The following KHDRBS2 variants were observed in gnomAD, a reference collection of about 807,000 sequenced individuals.
KHDRBS2 encodes the protein KH domain-containing, RNA-binding, signal transduction-associated protein 2.
In KHDRBS2, 26 loss-of-function variants were observed where a neutral mutation model predicts 44.3. The observed-to-expected ratio is 0.59, with a 90% CI of 0.43 to 0.81. KHDRBS2 has a LOEUF of 0.81. Ranked by LOEUF, KHDRBS2 falls within the 40% of genes least tolerant of loss-of-function variation. The pLI is 0.00. For synonymous variants in KHDRBS2, 194 were observed against 151.1 expected, an observed-to-expected ratio of 1.28 and a Z score of -2.08; for missense variants, 476 against 433.1, an observed-to-expected ratio of 1.10 and a Z score of -0.88.
chr6:61,598,011 T>C, the KHDRBS2 span, among the ~76,000 whole-genome samples: 1 of 150,206 alleles, frequency 6.7e-6, no homozygotes, highest in Non-Finnish European at 1.5e-5. Flanking sequence ...TATTTTGTAC[T>C]CTGAGCAGCC....
intron 6 of KHDRBS2, among the ~76,000 whole-genome samples, chr6:61,748,350 C>T (rs1170023654): frequency 6.6e-6 from 1 of 152,072 alleles, no homozygotes; most frequent in African/African-American, 2.4e-5. Context: ...TTTACTTATT[C>T]ATGTATTTAT....
At chr6:62,231,497 G>A (rs1193215999) in intron 1 of KHDRBS2, among the ~76,000 whole-genome samples, 1 of 152,110 alleles carries the variant, frequency 6.6e-6, no homozygotes, top group African/African-American at 2.4e-5. Flanking sequence ...GGGGATTAGA[G>A]GTCCTTTCCT....
At chr6:61,864,701 C>A (rs932543711) in intron 6 of KHDRBS2, among the ~76,000 whole-genome samples, 2 of 152,120 alleles carry the variant, frequency 1.3e-5, no homozygotes, top group Non-Finnish European at 2.9e-5. Context: ...AACATTTTTT[C>A]TGTCATTTCA....
the KHDRBS2 span, among the ~76,000 whole-genome samples, chr6:61,601,237 C>G: frequency 6.6e-6 from 1 of 152,070 alleles, no homozygotes; most frequent in Non-Finnish European, 1.5e-5. Flanking sequence ...CCCTTTTCCA[C>G]TTTCCTGGGG....
At chr6:62,117,071 G>C (rs1806422288) in intron 2 of KHDRBS2, among the ~76,000 whole-genome samples, 1 of 152,110 alleles carries the variant, frequency 6.6e-6, no homozygotes, top group South Asian at 2.1e-4. Context: ...TGGGAGTGCA[G>C]ATATCTCTTC....
intron 2 of KHDRBS2, among the ~76,000 whole-genome samples, chr6:62,087,840 A>G (rs1798697885): frequency 6.6e-6 from 1 of 152,086 alleles, no homozygotes; most frequent in African/African-American, 2.4e-5. Context: ...AATCAAATGT[A>G]GGTTTAGTTT....
At chr6:62,011,703 T>C (rs1161167790) in intron 3 of KHDRBS2, among the ~76,000 whole-genome samples, 1 of 152,176 alleles carries the variant, frequency 6.6e-6, no homozygotes, top group Non-Finnish European at 1.5e-5. Context: ...TTGGTAGTTT[T>C]TTTATGATTT....
chr6:62,276,086 G>A (rs1840892950), intron 1 of KHDRBS2, among the ~76,000 whole-genome samples: 1 of 152,114 alleles, frequency 6.6e-6, no homozygotes, highest in Admixed American at 6.6e-5. Flanking sequence ...ACAACGCTAT[G>A]AACCTGCTAA....
downstream of KHDRBS2, among the ~76,000 whole-genome samples, chr6:61,677,847 C>T (rs918269065): frequency 3.3e-5 from 5 of 151,868 alleles, no homozygotes; most frequent in Admixed American, 2.6e-4. Context: ...TTCCCCTCAC[C>T]AGGAGGTGTT....
intron 7 of KHDRBS2, among the ~76,000 whole-genome samples, chr6:61,716,475 T>G (rs369293831): frequency 2.0e-5 from 3 of 152,032 alleles, no homozygotes; most frequent in African/African-American, 7.2e-5. Flanking sequence ...GGTGGTTTCT[T>G]GATGCAGGAA....
intron 3 of KHDRBS2, among the ~76,000 whole-genome samples, chr6:62,007,287 T>C (rs543103575): frequency 1.3e-5 from 2 of 152,228 alleles, no homozygotes; most frequent in African/African-American, 4.8e-5. Context: ...AGTTTTCTGT[T>C]TAAACAGTTT....
chr6:62,174,018 T>A (rs1462302371), intron 2 of KHDRBS2, among the ~76,000 whole-genome samples: 1 of 151,544 alleles, frequency 6.6e-6, no homozygotes, highest in Non-Finnish European at 1.5e-5. Flanking sequence ...ACACCCTCTC[T>A]CACTACTCAT....
intron 6 of KHDRBS2, among the ~76,000 whole-genome samples, chr6:61,893,405 A>T (rs540205300): frequency 4.7e-4 from 71 of 152,278 alleles, no homozygotes; most frequent in African/African-American, 1.6e-3. Flanking sequence ...CTGGGTATAT[A>T]CCCAAAGGGT....
chr6:61,662,890 C>T, the KHDRBS2 span, among the ~76,000 whole-genome samples: 1 of 151,468 alleles, frequency 6.6e-6, no homozygotes, highest in Non-Finnish European at 1.5e-5. Flanking sequence ...CCCAGCCATC[C>T]CATTACTGGG....
intron 6 of KHDRBS2, among the ~76,000 whole-genome samples, chr6:61,788,022 G>C (rs1232402601): frequency 6.6e-6 from 1 of 151,542 alleles, no homozygotes; most frequent in African/African-American, 2.4e-5. Context: ...ATATTTTAGT[G>C]AAATTGAATT....
At chr6:61,821,726 T>G (rs1301368587) in intron 6 of KHDRBS2, among the ~76,000 whole-genome samples, 7 of 151,960 alleles carry the variant, frequency 4.6e-5, no homozygotes, top group African/African-American at 1.7e-4. Context: ...ATGAATTTAT[T>G]TTAGCTAGGT....
intron 4 of KHDRBS2, among the ~76,000 whole-genome samples, chr6:61,945,874 T>C (rs1813262165): frequency 7.6e-6 from 1 of 132,420 alleles, no homozygotes; most frequent in Admixed American, 7.5e-5. Flanking sequence ...ATTTCCCACT[T>C]AGAAAAAAAC....
intron 4 of KHDRBS2, among the ~76,000 whole-genome samples, chr6:61,953,255 T>C (rs1389265523): frequency 3.9e-5 from 6 of 152,082 alleles, no homozygotes; most frequent in Non-Finnish European, 7.4e-5. Context: ...AGAAATTCTG[T>C]CTTAAATGAT....
intron 1 of KHDRBS2, among the ~76,000 whole-genome samples, chr6:62,211,755 T>C (rs1484684404): frequency 6.6e-6 from 1 of 152,186 alleles, no homozygotes; most frequent in Non-Finnish European, 1.5e-5. Flanking sequence ...GGGCGATACC[T>C]GAAAGACCTC....
Sources: allele counts gnomAD v4.1 joint callset (sites outside exome capture counted in the v4.1 genomes callset), GRCh38; gene constraint gnomAD v4.1.1; transcripts MANE v1.5; gene names NCBI Gene and HGNC (gene_info 2026-07-23, HGNC 2026-07-21).